Variants in PCDHA7 observed in about 807,000 individuals in gnomAD.
PCDHA7 encodes the protein protocadherin alpha-7.
In PCDHA7, 37 loss-of-function variants were observed where a neutral mutation model predicts 57.2. The ratio of observed to expected loss-of-function variants is 0.65; its 90% confidence interval spans 0.50 to 0.85. The LOEUF (loss-of-function observed/expected upper bound fraction) is 0.85, where lower values mean the gene tolerates loss of function less well. Among genes scored for constraint, PCDHA7 ranks in the 40% least tolerant of loss-of-function variants. The pLI is 0.00. For synonymous variants in PCDHA7, 553 were observed against 558.8 expected, an observed-to-expected ratio of 0.99 and a Z score of 0.15; for missense variants, 1,188 against 1,241.8, an observed-to-expected ratio of 0.96 and a Z score of 0.65.
intron 1 of PCDHA7, chr5:140,871,323 CT>C (rs2052977645): frequency 6.2e-7 from 1 of 1,614,102 alleles, no homozygotes; most frequent in Non-Finnish European, 8.5e-7. Context: ...CGCTGGTGTG[CT>C]CCCGCGCGGT....
chr5:140,966,061 C>T (rs2095963591), intron 1 of PCDHA7, among the ~76,000 whole-genome samples: 1 of 152,222 alleles, frequency 6.6e-6, no homozygotes, highest in Non-Finnish European at 1.5e-5. Flanking sequence ...CCCAGAGCGC[C>T]TCCCCCTGCG....
intron 1 of PCDHA7, chr5:140,875,942 C>T: frequency 1.2e-6 from 2 of 1,614,190 alleles, no homozygotes; most frequent in Non-Finnish European, 1.7e-6. Context: ...CTAGAGGGCG[C>T]TTCTGATGCG....
At chr5:140,871,303 G>A (rs1562661921) in intron 1 of PCDHA7, 1 of 1,613,854 alleles carries the variant, frequency 6.2e-7, no homozygotes, top group Non-Finnish European at 8.5e-7. Flanking sequence ...GTGCGCGCCG[G>A]GGAAGCCCAC....
rs1159995588 is a variant in PCDHA7, at chr5:140,947,341, A to G, written c.2356-31608A>G. ...GGTTGACCATAAATGTGTGGGCTTA[A>G]TTCTGGACTCTATTTCACTCCTTTG... is the stretch of plus-strand genomic sequence containing the variant. On this transcript the variant is annotated intron_variant, in intron 1 of 3. Transcript: ENST00000525929. Among the ~76,000 whole-genome samples the G allele has an allele frequency of 2.6e-5, 4 of 151,804 alleles. No individual in the cohort carries two copies. The South Asian group carries it at 6.2e-4, about 24-fold the overall frequency.
At chr5:140,928,998 C>T (rs1448389331) in intron 1 of PCDHA7, 5 of 1,613,784 alleles carry the variant, frequency 3.1e-6, no homozygotes, top group Non-Finnish European at 4.2e-6. Flanking sequence ...TACTTTTCTT[C>T]GTGTGTACCA....
chr5:140,862,489 C>T (rs1385240823), intron 1 of PCDHA7: 1 of 384,600 alleles, frequency 2.6e-6, no homozygotes, highest in Non-Finnish European at 5.2e-6. Context: ...TGTTGGTAAT[C>T]GCTCGGAATG....
At chr5:140,914,095 C>G (rs1368870998) in intron 1 of PCDHA7, among the ~76,000 whole-genome samples, 1 of 152,082 alleles carries the variant, frequency 6.6e-6, no homozygotes, top group Non-Finnish European at 1.5e-5. Context: ...TCAATTTGTT[C>G]TATAGTGCAG....
intron 1 of PCDHA7, among the ~76,000 whole-genome samples, chr5:140,903,825 C>A (rs1367828043): frequency 2.0e-5 from 3 of 152,092 alleles, no homozygotes; most frequent in Admixed American, 2.0e-4. Flanking sequence ...ACATGAATGT[C>A]TGTTGGTATT....
chr5:140,888,611 G>T (rs1554183538), intron 1 of PCDHA7, among the ~76,000 whole-genome samples: 1 of 152,144 alleles, frequency 6.6e-6, no homozygotes, highest in Non-Finnish European at 1.5e-5. Context: ...TTTTAGTGTA[G>T]CACTAATTCG....
intron 3 of PCDHA7, among the ~76,000 whole-genome samples, chr5:140,989,478 G>A (rs1319813384): frequency 2.0e-5 from 3 of 152,204 alleles, no homozygotes; most frequent in Admixed American, 6.5e-5. Context: ...CTCCTGGGAG[G>A]TGCTTGAACA....
chr5:140,836,280 A>T lies in PCDHA7; in HGVS notation c.1897A>T (p.Thr633Ser). 1 of 1,613,762 alleles carries T rather than the reference A, an allele frequency of 6.2e-7. No individual in the cohort carries two copies. The highest frequency in any genetic ancestry group is 1.1e-5 in the South Asian group (1 of 91,072). The change falls in exon 1 of 4, where the codon ACG (threonine) becomes TCG (serine). Residue 633 changes from threonine (T) to serine (S), a missense_variant. By Grantham distance (58) the Thr-to-Ser change is moderately conservative. Transcript: ENST00000525929. The stretch of plus-strand genomic sequence containing the variant: ...GGGGCTGTACACTGGTGAGATCAGC[A>T]CGACACGAGCCCTAGATGAGACGGA... The part of the protein sequence containing the change: ...RVGLYTGEIS[T>S]TRALDETDAP...
intron 1 of PCDHA7, among the ~76,000 whole-genome samples, chr5:140,947,404 T>G (rs1305199507): frequency 6.6e-6 from 1 of 151,736 alleles, no homozygotes; most frequent in Non-Finnish European, 1.5e-5. Flanking sequence ...GTAGACTGTC[T>G]TGATATTGTA....
intron 1 of PCDHA7, among the ~76,000 whole-genome samples, chr5:140,970,781 G>A (rs2096433448): frequency 6.6e-6 from 1 of 152,042 alleles, no homozygotes; most frequent in Admixed American, 6.6e-5. Context: ...CATACATATT[G>A]TATGTAATAT....
intron 3 of PCDHA7, among the ~76,000 whole-genome samples, chr5:141,000,416 TA>T (rs1479552208): frequency 1.6e-3 from 150 of 93,344 alleles, no homozygotes; most frequent in Non-Finnish European, 2.1e-3. Flanking sequence ...TATATATATA[TA>T]TATATTTTTT....
At chr5:140,945,705 A>G (rs868920609) in intron 1 of PCDHA7, among the ~76,000 whole-genome samples, 5 of 152,154 alleles carry the variant, frequency 3.3e-5, no homozygotes, top group South Asian at 2.1e-4. Flanking sequence ...GATTTGCAAC[A>G]AAAGTATCAA....
At chr5:140,882,732 A>C in intron 1 of PCDHA7, 1 of 1,614,228 alleles carries the variant, frequency 6.2e-7, no homozygotes, top group Non-Finnish European at 8.5e-7. Context: ...TTTCCACTAG[A>C]TGGCGCATCC....
chr5:140,858,421 G>C (rs782781172), intron 1 of PCDHA7: 2 of 1,557,082 alleles, frequency 1.3e-6, no homozygotes, highest in African/African-American at 1.4e-5. Context: ...CTATTGGAGG[G>C]GACCACTCTA....
intron 1 of PCDHA7, chr5:140,884,468 C>T (rs925441051): frequency 2.5e-6 from 4 of 1,613,762 alleles, no homozygotes; most frequent in Non-Finnish European, 3.4e-6. Flanking sequence ...CGCGTGCGCG[C>T]CGGGCAAGCC....
At chr5:140,920,425 C>T (rs1444166830) in intron 1 of PCDHA7, among the ~76,000 whole-genome samples, 1 of 151,960 alleles carries the variant, frequency 6.6e-6, no homozygotes, top group Non-Finnish European at 1.5e-5. Flanking sequence ...GCTGTTCTCC[C>T]ACACACCTCT....
Sources: allele counts gnomAD v4.1 joint callset (sites outside exome capture counted in the v4.1 genomes callset), GRCh38; gene constraint gnomAD v4.1.1; transcripts MANE v1.5; gene names NCBI Gene and HGNC (gene_info 2026-07-23, HGNC 2026-07-21).